The following SCNN1G variants were observed in gnomAD, a reference collection of about 807,000 sequenced individuals.
SCNN1G encodes the protein epithelial sodium channel subunit gamma.
A neutral mutation model predicts 64.6 loss-of-function variants in SCNN1G; 27 were observed. That is an observed-to-expected ratio of 0.42 (90% CI 0.31 to 0.58). The LOEUF is 0.58. Ranked by LOEUF, SCNN1G falls within the 20% of genes least tolerant of loss-of-function variation. The probability of loss-of-function intolerance (pLI) is 0.18; values close to 1 mark genes in which losing one functional copy is unlikely to be tolerated. For synonymous variants in SCNN1G, 330 were observed against 314.2 expected (o/e 1.05, Z -0.53); for missense variants, 743 against 823.4 (o/e 0.90, Z 1.19).
chr16:23,209,212 T>G (rs2141942880), intron 6 of SCNN1G, among the ~76,000 whole-genome samples: 1 of 152,238 alleles, frequency 6.6e-6, no homozygotes, highest in South Asian at 2.1e-4. Flanking sequence ...ACTGCAGCCT[T>G]GACCTCCTGG....
intron 6 of SCNN1G, among the ~76,000 whole-genome samples, chr16:23,199,047 TAAAG>T (rs1272156721): frequency 3.3e-5 from 5 of 151,720 alleles, no homozygotes; most frequent in Non-Finnish European, 5.9e-5. Flanking sequence ...AGAACTTATT[TAAAG>T]AGAGTGTCCA....
rs67132706 is a variant in SCNN1G at position 23,199,663 on chromosome 16, C to CTTTTTT, written c.1077+2257_1077+2262dup. On this transcript the variant is annotated intron_variant, in intron 6 of 12. Transcript: ENST00000300061. ...TGATGTTTTTCTTTTCTTTTCTTTT[C>CTTTTTT]TTTTTTTTTTTTTTTTTTTTTTTTT... Among the ~76,000 whole-genome samples the CTTTTTT allele has an allele frequency of 1.8e-3, 105 of 59,672 alleles. 3 individuals are homozygous for CTTTTTT. The highest frequency in any genetic ancestry group is 2.0e-3 in the Non-Finnish European group (68 of 33,194). 39.1% of individuals were successfully genotyped at this position (59,672 alleles called of 152,430 possible).
intron 6 of SCNN1G, among the ~76,000 whole-genome samples, chr16:23,203,642 C>T (rs529849472): frequency 6.5e-4 from 98 of 151,688 alleles, no homozygotes; most frequent in Admixed American, 2.4e-3. Flanking sequence ...TGGTGGCAGG[C>T]GCCTGTAGTC....
intron 7 of SCNN1G, among the ~76,000 whole-genome samples, chr16:23,210,744 CT>C (rs1273832231): frequency 6.6e-6 from 1 of 152,036 alleles, no homozygotes; most frequent in Non-Finnish European, 1.5e-5. Flanking sequence ...TAAAAGAGGA[CT>C]TTTGGGCCAG....
At chr16:23,201,740 C>T (rs1342981016) in intron 6 of SCNN1G, among the ~76,000 whole-genome samples, 1 of 152,184 alleles carries the variant, frequency 6.6e-6, no homozygotes, top group Non-Finnish European at 1.5e-5. Context: ...GTCCAAAGCA[C>T]TGAATATTAA....
chr16:23,215,514 T>C lies in SCNN1G; in HGVS notation c.*45T>C, dbSNP rs72647545. 5.4e-5 allele frequency: 86 copies of C among 1,598,050 alleles called. No homozygotes were observed. In the African/African-American group the frequency reaches 9.9e-4, roughly 18 times the overall value. ...ATCTAGTCAGGACCACCAGCCATGG[T>C]CTAAGGACATGGATCGGGTGCCCCC... On this transcript the variant is annotated 3_prime_UTR_variant, in exon 13 of 13. Transcript: ENST00000300061.
Position 23,186,442 on chromosome 16 carries a change from C to T in SCNN1G, c.171C>T (p.Ile57=). ...GCCGTCTGCGCCGCCTCCTCTGGAT[C>T]GGGTTCACACTGACTGCCGTGGCCC... ...SRGRLRRLLW[I]GFTLTAVALI... Residue 57 remains isoleucine (I), a synonymous_variant, in exon 2 of 13, where the codon ATC becomes ATT. Coordinates refer to ENST00000300061, the MANE Select transcript of SCNN1G (RefSeq NM_001039.4). The T allele has an allele frequency of 1.2e-6, 2 of 1,614,210 alleles. No homozygotes were observed. Among genetic ancestry groups the T allele is most frequent in the Non-Finnish European group, 1.7e-6 (2 of 1,180,058 alleles).
intron 11 of SCNN1G, 56 bp downstream of exon 11, chr16:23,213,219 TC>T: frequency 8.2e-7 from 1 of 1,226,914 alleles, no homozygotes; most frequent in Non-Finnish European, 1.2e-6. Flanking sequence ...CCCAGCCTTC[TC>T]ACTTGCTTCT....
chr16:23,207,923 TCCC>T (rs1960016370), intron 6 of SCNN1G, among the ~76,000 whole-genome samples: 1 of 151,958 alleles, frequency 6.6e-6, no homozygotes, highest in Non-Finnish European at 1.5e-5. Flanking sequence ...ATAATTTTCT[TCCC>T]TCCCACAAAT....
chr16:23,192,924 C>T (rs1959732969), intron 4 of SCNN1G, among the ~76,000 whole-genome samples: 1 of 151,742 alleles, frequency 6.6e-6, no homozygotes, highest in African/African-American at 2.4e-5. Flanking sequence ...CAAAACTTAG[C>T]CAGGCATGGT....
intron 6 of SCNN1G, among the ~76,000 whole-genome samples, chr16:23,207,454 C>T (rs188431599): frequency 6.6e-6 from 1 of 152,372 alleles, no homozygotes; most frequent in East Asian, 1.9e-4. Context: ...TGCTTGGCAT[C>T]TTTGCACCTC....
intron 11 of SCNN1G, among the ~76,000 whole-genome samples, chr16:23,214,221 A>C (rs1017177508): frequency 6.6e-6 from 1 of 152,236 alleles, no homozygotes; most frequent in Non-Finnish European, 1.5e-5. Flanking sequence ...AGGATGATGA[A>C]AATATACATA....
At chr16:23,209,720 A>G in intron 6 of SCNN1G, 30 bp from the exon 7 acceptor site, 1 of 1,553,720 alleles carries the variant, frequency 6.4e-7, no homozygotes, top group Non-Finnish European at 8.9e-7. Context: ...GGGGGAGGAC[A>G]GGGCTGAGTG....
chr16:23,191,200 G>A (rs946320840), intron 3 of SCNN1G, among the ~76,000 whole-genome samples: 1 of 152,004 alleles, frequency 6.6e-6, no homozygotes, highest in Non-Finnish European at 1.5e-5. Flanking sequence ...ACCTTCCTGG[G>A]CAAACTCTAT....
chr16:23,186,795 T>C (rs1160566509), intron 2 of SCNN1G, among the ~76,000 whole-genome samples: 1 of 152,112 alleles, frequency 6.6e-6, no homozygotes, highest in Non-Finnish European at 1.5e-5. Flanking sequence ...AGACCATCAG[T>C]GACTTGTTTT....
chr16:23,189,248 C>A, intron 2 of SCNN1G, 123 bp from the exon 3 acceptor site: 1 of 1,024,600 alleles, frequency 9.8e-7, no homozygotes, highest in Non-Finnish European at 1.5e-6. Context: ...GTCTCCTCTG[C>A]CAAGGAGTTG....
intron 3 of SCNN1G, among the ~76,000 whole-genome samples, chr16:23,190,160 T>G (rs1432507732): frequency 6.6e-6 from 1 of 152,042 alleles, no homozygotes; most frequent in Non-Finnish European, 1.5e-5. Flanking sequence ...GGTGACTGGT[T>G]GATAGGTGCG....
At chr16:23,198,672 G>A (rs758699377) in intron 6 of SCNN1G, among the ~76,000 whole-genome samples, 15 of 151,112 alleles carry the variant, frequency 9.9e-5, no homozygotes, top group Non-Finnish European at 1.9e-4. Context: ...CAGGGAGGTC[G>A]AGGCTTCAGT....
In SCNN1G at chr16:23,213,212, A is replaced by C. The variant is rs1596778269; in HGVS notation, c.1493+49A>C. The C allele has an allele frequency of 4.5e-6, 6 of 1,323,074 alleles. No homozygotes were observed. In the East Asian group the frequency reaches 1.2e-4, roughly 25 times the overall value. 82.0% of individuals were successfully genotyped at this position (1,323,074 alleles called of 1,614,324 possible). ...TCTGTCTCTTCCCACCACAGCCCCC[A>C]GCCTTCTCACTTGCTTCTGTATGTG... On this transcript the variant is annotated intron_variant, in intron 11 of 12. Transcript: ENST00000300061.
Sources: allele counts gnomAD v4.1 joint callset (sites outside exome capture counted in the v4.1 genomes callset), GRCh38; gene constraint gnomAD v4.1.1; transcripts MANE v1.5; gene names NCBI Gene and HGNC (gene_info 2026-07-23, HGNC 2026-07-21).